The following SLC24A1 variants were observed in gnomAD, a reference collection of about 807,000 sequenced individuals.
The protein encoded by SLC24A1 is sodium/potassium/calcium exchanger 1.
Under a neutral mutation model 88.1 loss-of-function variants are expected in SLC24A1, and 52 were observed. That is an observed-to-expected ratio of 0.59 (90% CI 0.47 to 0.74). SLC24A1 has a LOEUF of 0.74. SLC24A1 is among the 30% of genes least tolerant of loss of function. The probability of loss-of-function intolerance (pLI) is 0.00; values close to 1 mark genes in which losing one functional copy is unlikely to be tolerated. For missense variants in SLC24A1, 1,173 were observed against 1,363.3 expected, an observed-to-expected ratio of 0.86 and a Z score of 2.20; for synonymous variants, 455 against 498.0, an observed-to-expected ratio of 0.91 and a Z score of 1.15.
chr15:65,655,271 G>A lies in SLC24A1; in HGVS notation c.*1192G>A. 6.1e-6 allele frequency: 6 copies of A among 985,506 alleles called. No individual in the cohort carries two copies. The highest frequency in any genetic ancestry group is 7.2e-6 in the Non-Finnish European group (6 of 829,998). 61.0% of individuals were successfully genotyped at this position (985,506 alleles called of 1,614,324 possible). A position where few individuals can be genotyped will look rare whatever the true frequency, so the allele number is the denominator to read the frequency against. On this transcript the variant is annotated 3_prime_UTR_variant, in exon 10 of 10. Transcript: ENST00000261892. Reference sequence around the variant, plus strand: ...TGGTTTATAAAGTAAGAGATCCAGTGGGACAATGCTATTTTTGTATGCCAA... The same window carrying A: ...TGGTTTATAAAGTAAGAGATCCAGTAGGACAATGCTATTTTTGTATGCCAA...
At chr15:65,631,898 C>T (rs910679663) in intron 2 of SLC24A1, among the ~76,000 whole-genome samples, 1 of 152,116 alleles carries the variant, frequency 6.6e-6, no homozygotes, top group Non-Finnish European at 1.5e-5. Flanking sequence ...GTGGCGCGAT[C>T]TCAGCTCACT....
At chr15:65,620,554 A>C (rs1231578697), upstream of SLC24A1, among the ~76,000 whole-genome samples, 1 of 152,204 alleles carries the variant, frequency 6.6e-6, no homozygotes, top group Non-Finnish European at 1.5e-5. Context: ...TTGAGCAGCC[A>C]AATTTCCTGC....
At position 65,627,390 on chromosome 15, in the gene SLC24A1, T is replaced by TGA. The variant is rs2074555722; in HGVS notation, c.1890+1422_1890+1423dup. Among the ~76,000 whole-genome samples the TGA allele has an allele frequency of 3.3e-5, 5 of 152,348 alleles. No individual in the cohort carries two copies. The South Asian group carries it at 1.0e-3, about 32-fold the overall frequency. On this transcript the variant is annotated intron_variant, in intron 2 of 9. Coordinates refer to ENST00000261892, the MANE Select transcript of SLC24A1 (RefSeq NM_004727.3). Reference sequence around the variant, plus strand: ...TGGTTATTTGTCTGATCTGGTCAACTGAGCTTCTATTGTGTCATTTGCAGA... The same window carrying TGA: ...TGGTTATTTGTCTGATCTGGTCAACTGAGAGCTTCTATTGTGTCATTTGCAGA...
chr15:65,642,947 G>A lies in SLC24A1; in HGVS notation c.2054-1480G>A, dbSNP rs1264414516. 2.4e-6 allele frequency: 3 copies of A among 1,238,352 alleles called. No homozygotes were observed. In the Admixed American group the frequency reaches 6.9e-5, roughly 28 times the overall value. 76.7% of individuals were successfully genotyped at this position (1,238,352 alleles called of 1,614,324 possible). ...TATTATGGACTAGATGATCTCCAGG[G>A]TTCCTTCTAACTCGGACCCTCTGGG... On this transcript the variant is annotated intron_variant, in intron 4 of 9. Coordinates refer to ENST00000261892, the MANE Select transcript of SLC24A1 (RefSeq NM_004727.3).
downstream of SLC24A1, chr15:65,660,258 ACT>A (rs756941614): frequency 2.0e-6 from 3 of 1,531,086 alleles, no homozygotes; most frequent in Admixed American, 3.9e-5. Context: ...ACATTTTTAA[ACT>A]CTCTCCATTA....
chr15:65,645,478 A>G lies in SLC24A1; in HGVS notation c.2141-134A>G, dbSNP rs114252052. The stretch of plus-strand genomic sequence containing the variant: ...ACATCATCTTACTTTTCCTACCAAC[A>G]AGAAATTCCCCCAAATAAACCTTCA... On this transcript the variant is annotated intron_variant, in intron 5 of 9. Transcript: ENST00000261892. 2.1e-3 allele frequency: 1,468 copies of G among 715,722 alleles called. 11 individuals are homozygous for G. Among genetic ancestry groups the G allele is most frequent in the Middle Eastern group, 9.9e-3 (28 of 2,836 alleles). 44.3% of individuals were successfully genotyped at this position (715,722 alleles called of 1,614,324 possible).
At chr15:65,657,600 T>TAC (rs2075727794), downstream of SLC24A1, among the ~76,000 whole-genome samples, 1 of 152,030 alleles carries the variant, frequency 6.6e-6, no homozygotes, top group Non-Finnish European at 1.5e-5. Context: ...GCCGAGATCG[T>TAC]GCCACTGCAC....
chr15:65,629,068 A>G (rs952947979), intron 2 of SLC24A1, among the ~76,000 whole-genome samples: 14 of 152,358 alleles, frequency 9.2e-5, no homozygotes, highest in African/African-American at 3.4e-4. Context: ...CAGATAATAA[A>G]TAAACTAATT....
chr15:65,659,856 T>C (rs2075802174), downstream of SLC24A1: 1 of 155,164 alleles, frequency 6.4e-6, no homozygotes, highest in Non-Finnish European at 1.4e-5. Flanking sequence ...CGTAAAACCA[T>C]AAAGAATGGT....
chr15:65,641,273 T>C (rs1026771086), intron 4 of SLC24A1, among the ~76,000 whole-genome samples: 3 of 152,088 alleles, frequency 2.0e-5, no homozygotes, highest in African/African-American at 7.2e-5. Flanking sequence ...GGCAGGAGAA[T>C]CGCTTGAACC....
At chr15:65,647,245 A>G (rs1253366796) in intron 6 of SLC24A1, among the ~76,000 whole-genome samples, 2 of 152,106 alleles carry the variant, frequency 1.3e-5, no homozygotes, top group South Asian at 4.1e-4. Flanking sequence ...TGGGAGGCCG[A>G]GGCAGGAGGA....
chr15:65,655,075 A>G lies in SLC24A1; in HGVS notation c.*996A>G, dbSNP rs2075635842. Reference sequence around the variant, plus strand: ...AGAGGCCATTTAAAAGTATGTATTTATTAGAACATGCAAATTCATGTTGTC... The same window carrying G: ...AGAGGCCATTTAAAAGTATGTATTTGTTAGAACATGCAAATTCATGTTGTC... On this transcript the variant is annotated 3_prime_UTR_variant, in exon 10 of 10. Transcript: ENST00000261892. The G allele has an allele frequency of 9.8e-7, 1 of 1,019,398 alleles. No individual in the cohort carries two copies. The highest frequency in any genetic ancestry group is 1.2e-6 in the Non-Finnish European group (1 of 850,188). The allele number at this position is 1,019,398 out of a possible 1,614,324, so 63.1% of individuals were successfully genotyped here.
intron 7 of SLC24A1, 112 bp downstream of exon 7, chr15:65,651,054 A>T: frequency 2.3e-6 from 2 of 866,936 alleles, no homozygotes; most frequent in South Asian, 3.0e-5. Flanking sequence ...CAACCAGCTT[A>T]TCAGGGCTCC....
chr15:65,645,501 T>C, intron 5 of SLC24A1, 111 bp from the exon 6 acceptor site: 5 of 802,382 alleles, frequency 6.2e-6, no homozygotes, highest in Non-Finnish European at 1.1e-5. Flanking sequence ...AAATAAACCT[T>C]CAGAAACCCT....
At position 65,625,851 on chromosome 15, in the gene SLC24A1, C is replaced by G; in HGVS notation, c.1771C>G (p.Leu591Val). Residue 591 changes from leucine (L) to valine (V), a missense_variant, in exon 2 of 10, where the codon CTG becomes GTG. Leu to Val is a conservative substitution (Grantham distance 32). Transcript: ENST00000261892. ...IAWWESLLLL[L>V]AYAFYVFTMK... Reference sequence around the variant, plus strand: ...CTGGTGGGAGAGCCTGCTGCTGCTGCTGGCCTATGCCTTCTATGTGTTCAC... The same window carrying G: ...CTGGTGGGAGAGCCTGCTGCTGCTGGTGGCCTATGCCTTCTATGTGTTCAC... The G allele has an allele frequency of 6.2e-7, 1 of 1,613,804 alleles. No individual in the cohort carries two copies. The highest frequency in any genetic ancestry group is 8.5e-7 in the Non-Finnish European group (1 of 1,179,720).
chr15:65,651,635 A>G, intron 7 of SLC24A1, 35 bp from the exon 8 acceptor site: 2 of 1,129,864 alleles, frequency 1.8e-6, no homozygotes, highest in Non-Finnish European at 2.7e-6. Context: ...TAACCTCTAC[A>G]GCTTACTTCT....
rs1272298904 is a variant in SLC24A1 at position 65,650,735 on chromosome 15, G to A, written c.2586G>A (p.Glu862=). 6.3e-7 allele frequency: 1 copy of A among 1,587,732 alleles called. No individual in the cohort carries two copies. Among genetic ancestry groups the A allele is most frequent in the African/African-American group, 1.3e-5 (1 of 74,134 alleles). ...GGSDGGDSEE[E]EEEEEEQEEE... ...GTGATGGAGGGGATAGCGAAGAGGA[G>A]GAAGAGGAGGAGGAAGAGCAGGAGG... is the stretch of plus-strand genomic sequence containing the variant. Residue 862 remains glutamate, a synonymous_variant, in exon 7 of 10, where the codon GAG becomes GAA. Coordinates refer to ENST00000261892, the MANE Select transcript of SLC24A1 (RefSeq NM_004727.3). The surrounding 1 kb of genome is among the most constrained non-coding windows in gnomAD (Gnocchi z 4.1).
In SLC24A1 at chr15:65,648,140, A is replaced by T. The variant is rs1566963358; in HGVS notation, c.2233-2242A>T. Among the ~76,000 whole-genome samples, 6 of 152,174 alleles carry T rather than the reference A, an allele frequency of 3.9e-5. No homozygotes were observed. In the South Asian group the frequency reaches 1.2e-3, roughly 32 times the overall value. On this transcript the variant is annotated intron_variant, in intron 6 of 9. Transcript: ENST00000261892. ...CCAGGTGTGGTGGCACATGCCTGTA[A>T]TCCCAGCTACTCGGGATGCTGAGGT...
chr15:65,629,716 G>A (rs2074645393), intron 2 of SLC24A1, among the ~76,000 whole-genome samples: 1 of 152,210 alleles, frequency 6.6e-6, no homozygotes, highest in African/African-American at 2.4e-5. Context: ...GGTATTTGAA[G>A]GACAGCAGGG....
Sources: allele counts gnomAD v4.1 joint callset (sites outside exome capture counted in the v4.1 genomes callset), GRCh38; gene constraint gnomAD v4.1.1; non-coding constraint Gnocchi (gnomAD v3.1); transcripts MANE v1.5; gene names NCBI Gene and HGNC (gene_info 2026-07-23, HGNC 2026-07-21).